Variants in CCDC88A observed in about 807,000 individuals in gnomAD.
The protein encoded by CCDC88A is girdin.
A neutral mutation model predicts 234.3 loss-of-function variants in CCDC88A; 54 were observed. That is an observed-to-expected ratio of 0.23 (90% confidence interval 0.19 to 0.29). The LOEUF (loss-of-function observed/expected upper bound fraction) is 0.29. Ranked by LOEUF, CCDC88A falls within the 10% of genes least tolerant of loss-of-function variation. The pLI is 1.00. For synonymous variants in CCDC88A, 753 were observed against 737.8 expected, an observed-to-expected ratio of 1.02 and a Z score of -0.33; for missense variants, 1,832 against 2,123.4, an observed-to-expected ratio of 0.86 and a Z score of 2.70.
chr2:55,302,107 G>A, intron 26 of CCDC88A, 35 bp from the exon 27 acceptor site: 3 of 1,515,754 alleles, frequency 2.0e-6, no homozygotes, highest in Non-Finnish European at 2.7e-6. Context: ...AATCAGCATG[G>A]TTAATGTATT....
chr2:55,352,849 T>G (rs909172734), intron 8 of CCDC88A, among the ~76,000 whole-genome samples: 21 of 152,200 alleles, frequency 1.4e-4, no homozygotes, highest in Non-Finnish European at 2.9e-5. Context: ...TTGTAATTAC[T>G]TATTGTATAG....
chr2:55,302,148 CTGTG>C, intron 26 of CCDC88A, 76 bp from the exon 27 acceptor site: 1 of 1,217,502 alleles, frequency 8.2e-7, no homozygotes, highest in Non-Finnish European at 1.2e-6. Flanking sequence ...AGTACAAATA[CTGTG>C]GTTTTTGTCT....
In CCDC88A at chr2:55,335,405, A is replaced by G. The variant is rs1488600054; in HGVS notation, c.1657-241T>C. Among the ~76,000 whole-genome samples, 1 of 152,138 alleles carries G rather than the reference A, an allele frequency of 6.6e-6. No individual in the cohort carries two copies. Among genetic ancestry groups the G allele is most frequent in the African/African-American group, 2.4e-5 (1 of 41,430 alleles). The stretch of plus-strand genomic sequence containing the variant: ...AAGTTCATGTTTTTAGGAAGTTCAC[A>G]GTTTAAAGGAACGGTTGAGAAATGT... On this transcript the variant is annotated intron_variant, in intron 14 of 32. Transcript: ENST00000436346. The surrounding 1 kb of genome is among the most constrained non-coding windows in gnomAD (Gnocchi z 4.5).
chr2:55,349,720 C>A, intron 8 of CCDC88A, 121 bp from the exon 9 acceptor site: 1 of 578,794 alleles, frequency 1.7e-6, no homozygotes, highest in South Asian at 2.7e-5. Flanking sequence ...TAGCCATAAC[C>A]CTAATCTAGA....
chr2:55,339,726 T>G (rs1354803123), intron 12 of CCDC88A, 78 bp from the exon 13 acceptor site: 3 of 1,157,584 alleles, frequency 2.6e-6, no homozygotes, highest in Non-Finnish European at 3.6e-6. Context: ...TTTAAAAAGT[T>G]GAGTGTATAT....
At chr2:55,418,190 G>C (rs1055751519) in intron 2 of CCDC88A, 8 of 152,198 alleles carry the variant, frequency 5.3e-5, no homozygotes, top group African/African-American at 1.4e-4. Flanking sequence ...ATCAAGACTT[G>C]TTATTTGCAT....
chr2:55,418,427 A>G (rs561151124), intron 2 of CCDC88A: 100 of 187,428 alleles, frequency 5.3e-4, no homozygotes, highest in Middle Eastern at 2.4e-3. Context: ...ATAAAGGTTA[A>G]TAAGAAACAT....
At chr2:55,394,902 A>G (rs947738099) in intron 2 of CCDC88A, among the ~76,000 whole-genome samples, 5 of 151,900 alleles carry the variant, frequency 3.3e-5, no homozygotes, top group African/African-American at 7.2e-5. Context: ...CTGGAGTGCA[A>G]TGGCACAACC....
At chr2:55,346,699 C>A (rs1669154798) in intron 9 of CCDC88A, among the ~76,000 whole-genome samples, 1 of 152,074 alleles carries the variant, frequency 6.6e-6, no homozygotes, top group South Asian at 2.1e-4. Context: ...GGATTACAGG[C>A]GTAAGCCACC....
At chr2:55,373,779 AAT>A (rs1673192530) in intron 4 of CCDC88A, among the ~76,000 whole-genome samples, 1 of 152,192 alleles carries the variant, frequency 6.6e-6, no homozygotes, top group South Asian at 2.1e-4. Context: ...ACATCTAATT[AAT>A]AGTTTCCTCT....
Position 55,355,647 on chromosome 2 carries a change from T to C in CCDC88A, c.732A>G (p.Glu244=), listed in dbSNP as rs1172299064. The part of the protein sequence containing the change: ...PCGSPGMKRT[E]SRQHLSVELA... ...GTTCCACCGACAGATGTTGTCGACT[T>C]TCTGTTCGCTTCATGCCTGGAGAAC... The change falls in exon 8 of 33, where the codon GAA becomes GAG. Residue 244 remains glutamate (E), a synonymous_variant. Transcript: ENST00000436346. The C allele has an allele frequency of 6.2e-7, 1 of 1,614,060 alleles. No individual in the cohort carries two copies. The highest frequency in any genetic ancestry group is 1.1e-5 in the South Asian group (1 of 91,066).
chr2:55,295,922 G>T lies in CCDC88A; in HGVS notation c.5226C>A (p.Asp1742Glu). 1 of 1,614,062 alleles carries T rather than the reference G, an allele frequency of 6.2e-7. No homozygotes were observed. Among genetic ancestry groups the T allele is most frequent in the Non-Finnish European group, 8.5e-7 (1 of 1,179,998 alleles). The part of the protein sequence containing the change: ...ARSVSGKTPG[D>E]FYDRRTTKPE... ...GCTTAGTTGTCCGTCTATCATAGAA[G>T]TCCCCTGGGGTTTTTCCACTTACTG... Residue 1742 changes from aspartate to glutamate, a missense_variant, in exon 31 of 33, where the codon GAC becomes GAA. By Grantham distance (45) the Asp-to-Glu change is conservative (BLOSUM62 2). This residue lies in a region of CCDC88A where 422 missense variants were observed against 416.5 expected (regional missense o/e 1.01). Transcript: ENST00000436346.
At position 55,309,908 on chromosome 2, in the gene CCDC88A, G is replaced by A. The variant is rs1351284535; in HGVS notation, c.4080-654C>T. Among the ~76,000 whole-genome samples, 1 of 152,086 alleles carries A rather than the reference G, an allele frequency of 6.6e-6. No individual in the cohort carries two copies. Among genetic ancestry groups the A allele is most frequent in the African/African-American group, 2.4e-5 (1 of 41,402 alleles). On this transcript the variant is annotated intron_variant, in intron 23 of 32. Transcript: ENST00000436346. The surrounding 1 kb of genome is among the most constrained non-coding windows in gnomAD (Gnocchi z 5.1). Reference sequence around the variant, plus strand: ...TATAATAACATATAATATTGTGTGTGTGTATATATATAAAATGACTATATA... The same window carrying A: ...TATAATAACATATAATATTGTGTGTATGTATATATATAAAATGACTATATA...
At chr2:55,390,013 C>G (rs1373598976) in intron 2 of CCDC88A, among the ~76,000 whole-genome samples, 2 of 87,536 alleles carry the variant, frequency 2.3e-5, no homozygotes, top group East Asian at 9.6e-4. Context: ...TGCACTCCAG[C>G]CTGGGCTACA....
rs1452149476 is a variant in CCDC88A, at chr2:55,419,189, G to A, written c.-110C>T. The A allele has an allele frequency of 2.8e-6, 2 of 703,502 alleles. No homozygotes were observed. The highest frequency in any genetic ancestry group is 2.7e-5 in the East Asian group (1 of 37,136). The allele number at this position is 703,502 out of a possible 1,614,324, so 43.6% of individuals were successfully genotyped here. The stretch of plus-strand genomic sequence containing the variant: ...TCAATGAAAGTCCATTTCGGCAAGG[G>A]AGAAAAATCCCATCGTGGAGGAGGG... On this transcript the variant is annotated 5_prime_UTR_variant, in exon 1 of 33. Coordinates refer to ENST00000436346, the MANE Select transcript of CCDC88A (RefSeq NM_001365480.1).
At chr2:55,331,395 T>G (rs1684896195) in intron 16 of CCDC88A, among the ~76,000 whole-genome samples, 2 of 152,222 alleles carry the variant, frequency 1.3e-5, no homozygotes, top group South Asian at 4.1e-4. Flanking sequence ...CAACTAACTT[T>G]TTAAGTGTCA....
chr2:55,363,193 T>C (rs1206307135), intron 6 of CCDC88A, among the ~76,000 whole-genome samples: 1 of 151,970 alleles, frequency 6.6e-6, no homozygotes, highest in African/African-American at 2.4e-5. Flanking sequence ...TTGTTGATAA[T>C]AATGTTACTG....
At chr2:55,380,638 CAG>C (rs912167521) in intron 3 of CCDC88A, among the ~76,000 whole-genome samples, 3 of 151,964 alleles carry the variant, frequency 2.0e-5, no homozygotes, top group African/African-American at 7.3e-5. Context: ...TTTTTTGAGA[CAG>C]AGTCTTGCTC....
chr2:55,297,313 TA>T (rs1216615721), intron 29 of CCDC88A: 4 of 106,594 alleles, frequency 3.8e-5, no homozygotes, highest in African/African-American at 7.5e-5. Flanking sequence ...TAATTATATA[TA>T]AATATATAAT....
Sources: allele counts gnomAD v4.1 joint callset (sites outside exome capture counted in the v4.1 genomes callset), GRCh38; gene constraint gnomAD v4.1.1; regional missense constraint gnomAD v4.1.1; non-coding constraint Gnocchi (gnomAD v3.1); transcripts MANE v1.5; gene names NCBI Gene and HGNC (gene_info 2026-07-23, HGNC 2026-07-21).